Variants in APOLD1 observed in about 807,000 individuals in gnomAD.
APOLD1 encodes the protein apolipoprotein L domain-containing protein 1.
APOLD1 carries 22 observed loss-of-function variants against 15.3 expected under a neutral mutation model. The ratio of observed to expected loss-of-function variants is 1.44; its 90% CI spans 1.03 to 2.05. The LOEUF is 2.05. Ranked by LOEUF, APOLD1 falls within the 30% of genes most tolerant of loss-of-function variation. APOLD1 has a pLI of 0.00. For synonymous variants in APOLD1, 190 were observed against 167.4 expected, an observed-to-expected ratio of 1.13 and a Z score of -1.04; for missense variants, 394 against 353.5, an observed-to-expected ratio of 1.11 and a Z score of -0.92.
intron 1 of APOLD1, among the ~76,000 whole-genome samples, chr12:12,775,332 AG>A (rs1947022661): frequency 1.3e-5 from 2 of 152,208 alleles, no homozygotes; most frequent in Admixed American, 1.3e-4. Flanking sequence ...GAGGATTTCC[AG>A]GGCAGGTAAA....
chr12:12,740,936 C>A (rs1166091668), intron 1 of APOLD1, among the ~76,000 whole-genome samples: 1 of 152,084 alleles, frequency 6.6e-6, no homozygotes, highest in Non-Finnish European at 1.5e-5. Context: ...ACCTGGAAAT[C>A]AGAATGCCAA....
chr12:12,744,970 C>G (rs1273592807), intron 1 of APOLD1, among the ~76,000 whole-genome samples: 1 of 152,164 alleles, frequency 6.6e-6, no homozygotes, highest in East Asian at 1.9e-4. Context: ...CTTGCTTCAC[C>G]CTGACAAAGC....
At position 12,790,477 on chromosome 12, in the gene APOLD1, C is replaced by T. The variant is rs1009144641; in HGVS notation, c.*2825C>T. The T allele has an allele frequency of 3.3e-5, 5 of 152,142 alleles. No homozygotes were observed. The highest frequency in any genetic ancestry group is 1.2e-4 in the African/African-American group (5 of 41,416). 9.4% of individuals were successfully genotyped at this position (152,142 alleles called of 1,614,324 possible). A position where few individuals can be genotyped will look rare whatever the true frequency, so the allele number is the denominator to read the frequency against. On this transcript the variant is annotated 3_prime_UTR_variant, in exon 2 of 2. Coordinates refer to ENST00000356591, the MANE Select transcript of APOLD1 (RefSeq NM_030817.3). ...TGCTTAAGTTTAAATTATATTCTTCCAATGCCTAAGCTATTCCCTAGAATT... is the reference window on the plus strand; with the variant it reads ...TGCTTAAGTTTAAATTATATTCTTCTAATGCCTAAGCTATTCCCTAGAATT...
chr12:12,760,655 AC>A (rs141330990), intron 1 of APOLD1, among the ~76,000 whole-genome samples: 5,912 of 149,944 alleles, frequency 0.039, 233 homozygotes, highest in East Asian at 0.17. Context: ...AAAAAAAAAA[AC>A]AACCAACAAC....
intron 1 of APOLD1, among the ~76,000 whole-genome samples, chr12:12,742,519 C>T (rs957295791): frequency 6.6e-6 from 1 of 152,100 alleles, no homozygotes; most frequent in Non-Finnish European, 1.5e-5. Context: ...GTAATCCCAG[C>T]ACTTTGGGAG....
intron 1 of APOLD1, chr12:12,771,403 T>C (rs939611126): frequency 1.1e-5 from 4 of 371,142 alleles, no homozygotes; most frequent in Non-Finnish European, 2.1e-5. Flanking sequence ...AGCAACAAAA[T>C]CATCATTATT....
upstream of APOLD1, chr12:12,785,505 C>T: frequency 1.2e-6 from 1 of 866,702 alleles, no homozygotes; most frequent in Non-Finnish European, 1.8e-6. Flanking sequence ...ATGTGCTGTG[C>T]TGGCAGGTCA....
At chr12:12,779,340 T>C (rs1258581923) in intron 1 of APOLD1, among the ~76,000 whole-genome samples, 2 of 152,196 alleles carry the variant, frequency 1.3e-5, no homozygotes, top group African/African-American at 4.8e-5. Flanking sequence ...AGGGACTATA[T>C]CTTATTTAGC....
chr12:12,765,396 A>AT (rs1341260767), intron 1 of APOLD1, among the ~76,000 whole-genome samples: 18 of 152,302 alleles, frequency 1.2e-4, no homozygotes, highest in South Asian at 2.1e-4. Flanking sequence ...AGAATTATGC[A>AT]TTTTTTGTGA....
intron 1 of APOLD1, among the ~76,000 whole-genome samples, chr12:12,755,010 C>T (rs1238029211): frequency 3.9e-5 from 6 of 151,946 alleles, no homozygotes; most frequent in African/African-American, 1.5e-4. Flanking sequence ...TCAGCCACTG[C>T]ACTCCAGTCT....
intron 1 of APOLD1, among the ~76,000 whole-genome samples, chr12:12,774,059 G>A (rs1947008896): frequency 6.6e-6 from 1 of 151,962 alleles, no homozygotes; most frequent in Admixed American, 6.6e-5. Flanking sequence ...CAACATCAAA[G>A]GCACAATCCA....
At chr12:12,761,830 T>TAGAGAGAGAGAG (rs6144616) in intron 1 of APOLD1, among the ~76,000 whole-genome samples, 34,351 of 114,162 alleles carry the variant, frequency 0.3, 6,633 homozygotes, top group Non-Finnish European at 0.37. Context: ...TGTATATGTA[T>TAGAGAGAGAGAG]AGAGAGAGAG....
At chr12:12,746,397 G>C (rs1452501985) in intron 1 of APOLD1, among the ~76,000 whole-genome samples, 3 of 152,194 alleles carry the variant, frequency 2.0e-5, no homozygotes, top group Non-Finnish European at 4.4e-5. Flanking sequence ...TCAGGAGGCT[G>C]AGGCAGGAGA....
chr12:12,783,364 G>A (rs1947099308), upstream of APOLD1, among the ~76,000 whole-genome samples: 1 of 152,158 alleles, frequency 6.6e-6, no homozygotes, highest in Non-Finnish European at 1.5e-5. Context: ...AGGCTGGAGT[G>A]CAGCGGTGTG....
intron 1 of APOLD1, among the ~76,000 whole-genome samples, chr12:12,770,109 C>G (rs1946974678): frequency 6.6e-6 from 1 of 152,046 alleles, no homozygotes; most frequent in African/African-American, 2.4e-5. Flanking sequence ...ATAAAAAGAA[C>G]CAAAAGAAAT....
intron 1 of APOLD1, among the ~76,000 whole-genome samples, chr12:12,741,379 A>C (rs1407269627): frequency 1.3e-5 from 2 of 152,048 alleles, no homozygotes; most frequent in Non-Finnish European, 2.9e-5. Context: ...GCTAATTTAG[A>C]ACATTTTTCT....
chr12:12,772,912 TA>T (rs1946999961), intron 1 of APOLD1, among the ~76,000 whole-genome samples: 1 of 152,130 alleles, frequency 6.6e-6, no homozygotes, highest in Non-Finnish European at 1.5e-5. Flanking sequence ...AAAATTAAAA[TA>T]TTTTAAACTA....
intron 1 of APOLD1, among the ~76,000 whole-genome samples, chr12:12,734,468 C>T (rs59990432): frequency 0.2 from 30,682 of 152,144 alleles, 3,675 homozygotes; most frequent in African/African-American, 0.31. Flanking sequence ...ACCACTGTAT[C>T]GATTCTTTCC....
intron 1 of APOLD1, among the ~76,000 whole-genome samples, chr12:12,779,538 A>T (rs1004177542): frequency 6.6e-6 from 1 of 152,192 alleles, no homozygotes; most frequent in African/African-American, 2.4e-5. Flanking sequence ...ACTATATAAC[A>T]AAAACGATGA....
Sources: gnomAD v4.1 joint callset for allele counts (sites outside exome capture counted in the v4.1 genomes callset) on GRCh38, gnomAD v4.1.1 for gene constraint, MANE v1.5 for transcripts, NCBI Gene and HGNC (gene_info 2026-07-23, HGNC 2026-07-21) for gene names.